Variants in MOV10L1 observed in about 807,000 individuals in gnomAD.
MOV10L1 encodes RNA helicase Mov10l1.
MOV10L1 carries 110 observed loss-of-function variants against 143.8 expected under a neutral mutation model. The observed-to-expected ratio is 0.76, with a 90% CI of 0.66 to 0.90. The LOEUF (loss-of-function observed/expected upper bound fraction) is 0.90. MOV10L1 is among the 40% of genes least tolerant of loss of function. The probability of loss-of-function intolerance (pLI) is 0.00; values close to 1 mark genes in which losing one functional copy is unlikely to be tolerated. For missense variants in MOV10L1, 1,406 were observed against 1,526.8 expected (o/e 0.92, Z 1.32); for synonymous variants, 593 against 581.1 (o/e 1.02, Z -0.29).
At chr22:50,109,101 G>A (rs1361957722) in intron 5 of MOV10L1, among the ~76,000 whole-genome samples, 1 of 152,106 alleles carries the variant, frequency 6.6e-6, no homozygotes, top group Non-Finnish European at 1.5e-5. Flanking sequence ...CTGAGATTGC[G>A]CCACTGCACT....
chr22:50,090,206 G>T, intron 1 of MOV10L1, 21 bp downstream of exon 1: 1 of 1,413,104 alleles, frequency 7.1e-7, no homozygotes, highest in South Asian at 1.6e-5. Context: ...GGAGGCGGCT[G>T]GGAGGCGGGT....
intron 13 of MOV10L1, among the ~76,000 whole-genome samples, chr22:50,129,096 C>T (rs1456781270): frequency 6.6e-6 from 1 of 152,150 alleles, no homozygotes; most frequent in Non-Finnish European, 1.5e-5. Flanking sequence ...AAGTGGGCTC[C>T]TACAGCATTT....
intron 5 of MOV10L1, among the ~76,000 whole-genome samples, chr22:50,110,887 C>T (rs541299760): frequency 2.0e-5 from 3 of 152,146 alleles, no homozygotes; most frequent in South Asian, 2.1e-4. Context: ...GCAGAGATCA[C>T]GCCACTGCAC....
In MOV10L1 at chr22:50,099,590, AGT is replaced by A. The variant is rs2147047293; in HGVS notation, c.436_437del (p.Cys146ArgfsTer14). On this transcript the variant is annotated frameshift_variant, in exon 3 of 27. Coordinates refer to ENST00000262794, the MANE Select transcript of MOV10L1 (RefSeq NM_018995.3). LOFTEE classifies it high-confidence loss of function. ...ISQTTYFSLE[S>X]VCEGFEPCKG... ...TCAGACCACCTACTTCTCTCTGGAGAGTGTGTGCGAAGGTATGCTCAGGGGTC... is the reference window on the plus strand; with the variant it reads ...TCAGACCACCTACTTCTCTCTGGAGAGTGTGCGAAGGTATGCTCAGGGGTC... 6.2e-7 allele frequency: 1 copy of A among 1,611,714 alleles called. No homozygotes were observed. The highest frequency in any genetic ancestry group is 1.7e-5 in the Admixed American group (1 of 59,928).
At chr22:50,098,477 G>C (rs1445071266) in intron 2 of MOV10L1, among the ~76,000 whole-genome samples, 1 of 152,196 alleles carries the variant, frequency 6.6e-6, no homozygotes, top group Non-Finnish European at 1.5e-5. Flanking sequence ...TAACCTAACA[G>C]TGCTGTTATA....
intron 5 of MOV10L1, 167 bp from the exon 6 acceptor site, chr22:50,113,481 C>T (rs1018426481): frequency 1.2e-6 from 1 of 847,104 alleles, no homozygotes; most frequent in Non-Finnish European, 1.8e-6. Flanking sequence ...TCGTTCTCTT[C>T]CTTAGGGTTT....
chr22:50,142,531 T>G (rs571071684), intron 16 of MOV10L1, among the ~76,000 whole-genome samples: 1 of 152,152 alleles, frequency 6.6e-6, no homozygotes, highest in South Asian at 2.1e-4. Flanking sequence ...TGACCCTCTT[T>G]AACAAAGCAC....
intron 22 of MOV10L1, among the ~76,000 whole-genome samples, chr22:50,154,884 C>T (rs1162003080): frequency 6.6e-6 from 1 of 152,054 alleles, no homozygotes; most frequent in Non-Finnish European, 1.5e-5. Context: ...TTTCTTTTTA[C>T]CTGGTATGTC....
At chr22:50,139,634 GA>G (rs2147325144) in intron 15 of MOV10L1, among the ~76,000 whole-genome samples, 1 of 152,080 alleles carries the variant, frequency 6.6e-6, no homozygotes, top group Non-Finnish European at 1.5e-5. Context: ...ATCTGATCAA[GA>G]ACTTGTATTC....
At chr22:50,094,486 A>G (rs2147005519) in intron 2 of MOV10L1, 1 of 146,614 alleles carries the variant, frequency 6.8e-6, no homozygotes, top group African/African-American at 2.5e-5. Context: ...TGCAAGCTCC[A>G]TCTTCTGGGT....
At chr22:50,091,402 C>T (rs940466106) in intron 1 of MOV10L1, 1 of 166,762 alleles carries the variant, frequency 6.0e-6, no homozygotes, top group Non-Finnish European at 1.5e-5. Flanking sequence ...TGCCCAGCCC[C>T]GAACCTTTTC....
chr22:50,102,313 C>T (rs548260268), intron 3 of MOV10L1, among the ~76,000 whole-genome samples: 82 of 152,226 alleles, frequency 5.4e-4, no homozygotes, highest in Non-Finnish European at 1.0e-3. Flanking sequence ...AGCACCGTCT[C>T]CTTCAAAGCT....
chr22:50,156,083 A>T (rs1204745937), intron 22 of MOV10L1, among the ~76,000 whole-genome samples: 1 of 152,160 alleles, frequency 6.6e-6, no homozygotes, highest in East Asian at 1.9e-4. Flanking sequence ...TTCATAAATA[A>T]ATGTACACAT....
chr22:50,090,716 GC>G, intron 1 of MOV10L1: 1 of 666,056 alleles, frequency 1.5e-6, no homozygotes, highest in Non-Finnish European at 2.6e-6. Context: ...CGCTCTTGTT[GC>G]CCAGGCTGGA....
chr22:50,149,701 A>C lies in MOV10L1; in HGVS notation c.2714A>C (p.Asp905Ala). ...CTCATTCCTCTGGGGCTGATGTCGG[A>C]CATCAGTGGCCAGGTAAGTCCCGAC... The part of the protein sequence containing the change: ...ECLIPLGLMS[D>A]ISGQIVLAGD... Residue 905 changes from aspartate (D) to alanine (A), a missense_variant, in exon 20 of 27, where the codon GAC (aspartate) becomes GCC (alanine). Around this residue, in one of 3 missense-constraint regions of MOV10L1, gnomAD observed 1,233 missense variants for 1,351.4 expected, o/e 0.91. Transcript: ENST00000262794. 6.2e-7 allele frequency: 1 copy of C among 1,613,686 alleles called. No homozygotes were observed. Among genetic ancestry groups the C allele is most frequent in the Non-Finnish European group, 8.5e-7 (1 of 1,179,792 alleles).
Position 50,150,869 on chromosome 22 carries a change from C to T in MOV10L1, c.2862C>T (p.Phe954=), listed in dbSNP as rs781435954. ...CGTACCAGAGGGACGAAAATGCTTT[C>T]GGTGCTTGTGGCGCACATAATCCCC... is the stretch of plus-strand genomic sequence containing the variant. ...RPAYQRDENA[F]GACGAHNPLL... is the part of the protein sequence containing the mutation. The change falls in exon 21 of 27, where the codon TTC becomes TTT. Residue 954 remains phenylalanine, a synonymous_variant. Coordinates refer to ENST00000262794, the MANE Select transcript of MOV10L1 (RefSeq NM_018995.3). The T allele has an allele frequency of 8.7e-6, 14 of 1,614,186 alleles. No homozygotes were observed. Among genetic ancestry groups the T allele is most frequent in the South Asian group, 7.7e-5 (7 of 91,074 alleles).
At chr22:50,104,448 T>A (rs1285503119) in intron 3 of MOV10L1, among the ~76,000 whole-genome samples, 1 of 152,190 alleles carries the variant, frequency 6.6e-6, no homozygotes, top group African/African-American at 2.4e-5. Context: ...TGGAGGCGTC[T>A]GTCCTTCCCA....
chr22:50,133,087 G>C (rs992761772), intron 13 of MOV10L1, among the ~76,000 whole-genome samples: 1 of 151,878 alleles, frequency 6.6e-6, no homozygotes. Context: ...TTTGGATGCT[G>C]TGTATTTGTT....
At chr22:50,132,655 C>T (rs1032040474) in intron 13 of MOV10L1, among the ~76,000 whole-genome samples, 2 of 152,092 alleles carry the variant, frequency 1.3e-5, no homozygotes, top group South Asian at 2.1e-4. Flanking sequence ...TACCTTGTAT[C>T]CTGCAAGTCT....
Sources: gnomAD v4.1 joint callset for allele counts (sites outside exome capture counted in the v4.1 genomes callset) on GRCh38, gnomAD v4.1.1 for gene constraint, gnomAD v4.1.1 regional missense constraint, MANE v1.5 for transcripts, NCBI Gene and HGNC (gene_info 2026-07-23, HGNC 2026-07-21) for gene names.